Variants in CHRM3 observed in about 807,000 individuals in gnomAD.
CHRM3 encodes cholinergic receptor muscarinic 3.
In CHRM3, 11 loss-of-function variants were observed where a neutral mutation model predicts 41.8. The observed-to-expected ratio is 0.26, with a 90% CI of 0.17 to 0.44. The LOEUF is 0.44. Ranked by LOEUF, CHRM3 falls within the 20% of genes least tolerant of loss-of-function variation. The probability of loss-of-function intolerance (pLI) is 1.00; values close to 1 mark genes in which losing one functional copy is unlikely to be tolerated. For missense variants in CHRM3, 571 were observed against 745.4 expected (o/e 0.77, Z 2.72); for synonymous variants, 297 against 301.4 (o/e 0.99, Z 0.15).
At chr1:239,429,266 T>C (rs972671787) in intron 1 of CHRM3, among the ~76,000 whole-genome samples, 1 of 152,202 alleles carries the variant, frequency 6.6e-6, no homozygotes, top group Non-Finnish European at 1.5e-5. Flanking sequence ...TTTCCGCCTG[T>C]CAAATGAATA....
intron 1 of CHRM3, among the ~76,000 whole-genome samples, chr1:239,410,593 C>A (rs1313306492): frequency 6.6e-6 from 1 of 152,186 alleles, no homozygotes; most frequent in African/African-American, 2.4e-5. Context: ...AGTGATCTCA[C>A]GGTCTGTCAC....
chr1:239,433,645 G>T (rs1366506926), intron 1 of CHRM3, among the ~76,000 whole-genome samples: 3 of 142,128 alleles, frequency 2.1e-5, no homozygotes, highest in African/African-American at 7.8e-5. Context: ...AAAGTCCATT[G>T]TATCATTCTT....
intron 1 of CHRM3, among the ~76,000 whole-genome samples, chr1:239,411,164 T>G (rs572392130): frequency 7.6e-4 from 116 of 152,166 alleles, no homozygotes; most frequent in Non-Finnish European, 7.9e-4. Flanking sequence ...AGAAATAAAA[T>G]GTATTGAACT....
At chr1:239,490,753 T>G (rs1426437183) in intron 1 of CHRM3, among the ~76,000 whole-genome samples, 2 of 151,932 alleles carry the variant, frequency 1.3e-5, no homozygotes, top group Non-Finnish European at 2.9e-5. Flanking sequence ...TTTATTTATT[T>G]TATATTTATT....
At chr1:239,778,631 G>T (rs1387840799) in intron 5 of CHRM3, among the ~76,000 whole-genome samples, 1 of 152,060 alleles carries the variant, frequency 6.6e-6, no homozygotes, top group East Asian at 1.9e-4. Flanking sequence ...ATTCTCTTAG[G>T]GCAGTCACAA....
At position 239,911,334 on chromosome 1, in the gene CHRM3, C is replaced by A. The variant is rs1295466585; in HGVS notation, c.*2110C>A. 3 of 166,340 alleles carry A rather than the reference C, an allele frequency of 1.8e-5. No homozygotes were observed. Among genetic ancestry groups the A allele is most frequent in the Non-Finnish European group, 4.4e-5 (3 of 68,032 alleles). 10.3% of individuals were successfully genotyped at this position (166,340 alleles called of 1,614,324 possible). A position where few individuals can be genotyped will look rare whatever the true frequency, so the allele number is the denominator to read the frequency against. ...AACCAAAGAACAAGAAAGAAACAGACGATTTTCTAATATGTACACAGCAAA... is the reference window on the plus strand; with the variant it reads ...AACCAAAGAACAAGAAAGAAACAGAAGATTTTCTAATATGTACACAGCAAA... On this transcript the variant is annotated 3_prime_UTR_variant, in exon 7 of 7. Coordinates refer to ENST00000676153, the MANE Select transcript of CHRM3 (RefSeq NM_001375978.1).
At chr1:239,393,876 A>G (rs1324601707) in intron 1 of CHRM3, among the ~76,000 whole-genome samples, 1 of 152,210 alleles carries the variant, frequency 6.6e-6, no homozygotes, top group East Asian at 1.9e-4. Context: ...TATAATAAAT[A>G]CATGTTTGAG....
chr1:239,426,213 G>A (rs1662371739), intron 1 of CHRM3, among the ~76,000 whole-genome samples: 1 of 137,968 alleles, frequency 7.2e-6, no homozygotes, highest in Admixed American at 7.9e-5. Flanking sequence ...GAGAGGATGT[G>A]GAGAAATAGG....
intron 3 of CHRM3, among the ~76,000 whole-genome samples, chr1:239,552,218 A>G (rs1244560993): frequency 1.5e-5 from 1 of 66,014 alleles, no homozygotes; most frequent in African/African-American, 3.5e-5. Flanking sequence ...CGTATATTAT[A>G]TATGTATAGA....
intron 3 of CHRM3, among the ~76,000 whole-genome samples, chr1:239,611,202 A>G (rs1268664154): frequency 4.6e-5 from 7 of 152,178 alleles, no homozygotes; most frequent in African/African-American, 9.7e-5. Flanking sequence ...TTTCTGAGCA[A>G]TGAAACTGCC....
intron 3 of CHRM3, among the ~76,000 whole-genome samples, chr1:239,567,900 C>G (rs72756764): frequency 0.03 from 4,557 of 152,242 alleles, 87 homozygotes; most frequent in Middle Eastern, 0.058. Flanking sequence ...GCCTCCACCT[C>G]TCTGGTTCCT....
intron 6 of CHRM3, among the ~76,000 whole-genome samples, chr1:239,859,907 T>C (rs575888661): frequency 1.7e-4 from 26 of 149,930 alleles, no homozygotes; most frequent in African/African-American, 5.9e-4. Context: ...TGTGGACCAG[T>C]ACTTTGCAAA....
intron 3 of CHRM3, among the ~76,000 whole-genome samples, chr1:239,582,308 T>C (rs918604197): frequency 6.6e-6 from 1 of 152,218 alleles, no homozygotes; most frequent in Non-Finnish European, 1.5e-5. Context: ...ATTTTTGACC[T>C]ATATTATCAT....
intron 3 of CHRM3, among the ~76,000 whole-genome samples, chr1:239,548,643 G>A (rs537825715): frequency 6.6e-6 from 1 of 152,100 alleles, no homozygotes; most frequent in East Asian, 1.9e-4. Flanking sequence ...GCATTTCTTG[G>A]TAAGAATCTA....
At position 239,605,331 on chromosome 1, in the gene CHRM3, A is replaced by G. The variant is rs573639009; in HGVS notation, c.-312-26893A>G. Among the ~76,000 whole-genome samples, 116 of 152,326 alleles carry G rather than the reference A, an allele frequency of 7.6e-4. 2 individuals are homozygous for G. The highest frequency in any genetic ancestry group is 6.8e-3 in the Middle Eastern group (2 of 294). Reference sequence around the variant, plus strand: ...CACTAATACTTACTATTGTGTAACAACTGCCTACAGTATTCAGTACAGTAA... The same window carrying G: ...CACTAATACTTACTATTGTGTAACAGCTGCCTACAGTATTCAGTACAGTAA... On this transcript the variant is annotated intron_variant, in intron 3 of 6. Transcript: ENST00000676153.
At chr1:239,688,808 C>A (rs1659430875) in intron 5 of CHRM3, among the ~76,000 whole-genome samples, 2 of 132,608 alleles carry the variant, frequency 1.5e-5, no homozygotes, top group South Asian at 2.2e-4. Context: ...ATATATAATA[C>A]ATTATTCAAT....
chr1:239,778,667 TGGATGA>T (rs1668286216), intron 5 of CHRM3, among the ~76,000 whole-genome samples: 1 of 152,124 alleles, frequency 6.6e-6, no homozygotes, highest in African/African-American at 2.4e-5. Flanking sequence ...TTCTGTGAGG[TGGATGA>T]TTGTGAACCC....
rs529173545 is a variant in CHRM3, at chr1:239,403,963, G to A, written c.-521+16736G>A. On this transcript the variant is annotated intron_variant, in intron 1 of 6. Coordinates refer to ENST00000676153, the MANE Select transcript of CHRM3 (RefSeq NM_001375978.1). ...GGGGAGAGAGAGAGGGAGGGAGGGA[G>A]GGAGAGGGAGGGGGAGAGAGAGAGA... is the stretch of plus-strand genomic sequence containing the variant. 2.0e-3 allele frequency among the ~76,000 whole-genome samples: 234 copies of A among 117,944 alleles called. 3 individuals carry two copies. Among genetic ancestry groups the A allele is most frequent in the Non-Finnish European group, 1.9e-3 (112 of 57,598 alleles). The allele number at this position is 117,944 out of a possible 152,430, so 77.4% of individuals were successfully genotyped here.
chr1:239,822,342 G>A (rs12072078), intron 5 of CHRM3, among the ~76,000 whole-genome samples: 37,215 of 152,052 alleles, frequency 0.24, 4,654 homozygotes, highest in East Asian at 0.33. Flanking sequence ...TCTAAAACAA[G>A]GATGGAGAAA....
Sources: gnomAD v4.1 joint callset for allele counts (sites outside exome capture counted in the v4.1 genomes callset) on GRCh38, gnomAD v4.1.1 for gene constraint, MANE v1.5 for transcripts, NCBI Gene and HGNC (gene_info 2026-07-23, HGNC 2026-07-21) for gene names.